Variants in GABRA4 observed in about 807,000 individuals in gnomAD.
The protein encoded by GABRA4 is gamma-aminobutyric acid receptor subunit alpha-4.
A neutral mutation model predicts 49.7 loss-of-function variants in GABRA4; 12 were observed. The ratio of observed to expected loss-of-function variants is 0.24; its 90% CI spans 0.15 to 0.39. GABRA4 has a LOEUF of 0.39. Ranked by LOEUF, GABRA4 falls within the 10% of genes least tolerant of loss-of-function variation. GABRA4 has a pLI of 1.00. For synonymous variants in GABRA4, 288 were observed against 240.2 expected (o/e 1.20, Z -1.84); for missense variants, 506 against 686.0 (o/e 0.74, Z 2.93).
chr4:46,978,682 C>T (rs1455468797), intron 3 of GABRA4, among the ~76,000 whole-genome samples: 3 of 21,610 alleles, frequency 1.4e-4, no homozygotes, highest in Non-Finnish European at 2.5e-4. Flanking sequence ...AGCAAAACTT[C>T]ATCTCAAAAA....
At chr4:46,993,239 A>T in intron 1 of GABRA4, 100 bp downstream of exon 1, 1 of 1,004,376 alleles carries the variant, frequency 1.0e-6, no homozygotes, top group Non-Finnish European at 1.6e-6. Context: ...AGATAAGAAG[A>T]CCTAGTCCAC....
At chr4:46,954,168 T>C (rs1347575899) in intron 8 of GABRA4, among the ~76,000 whole-genome samples, 1 of 146,874 alleles carries the variant, frequency 6.8e-6, no homozygotes, top group East Asian at 2.0e-4. Context: ...GAGTATAAAA[T>C]AACCTGAATA....
At chr4:46,952,042 A>C (rs1382639034) in intron 8 of GABRA4, among the ~76,000 whole-genome samples, 1 of 152,014 alleles carries the variant, frequency 6.6e-6, no homozygotes, top group Admixed American at 6.6e-5. Context: ...TAGCCAACCC[A>C]CCCTCAAAAG....
intron 8 of GABRA4, among the ~76,000 whole-genome samples, chr4:46,962,264 A>G (rs573245771): frequency 9.2e-6 from 1 of 108,674 alleles, no homozygotes; most frequent in Non-Finnish European, 2.0e-5. Context: ...GTAAAGTTGC[A>G]GGATACAAAA....
intron 7 of GABRA4, among the ~76,000 whole-genome samples, chr4:46,969,236 T>C (rs1283635310): frequency 1.3e-5 from 2 of 151,560 alleles, no homozygotes; most frequent in Non-Finnish European, 1.5e-5. Flanking sequence ...TAATTGCTGT[T>C]CTACACACTC....
chr4:46,958,567 C>G (rs1458224930), intron 8 of GABRA4, among the ~76,000 whole-genome samples: 1 of 151,864 alleles, frequency 6.6e-6, no homozygotes, highest in Admixed American at 6.6e-5. Flanking sequence ...GAAAGAACCA[C>G]AAGAATGAGA....
Position 46,921,050 on chromosome 4 carries a change from T to C in GABRA4, c.*7175A>G, listed in dbSNP as rs1721006822. On this transcript the variant is annotated 3_prime_UTR_variant, in exon 9 of 9. Transcript: ENST00000264318. Reference sequence around the variant, plus strand: ...CCTTTGCATAGTTCCATTTTTCCATTTTGAAGTGGAGATGTTTGTCTCTAG... The same window carrying C: ...CCTTTGCATAGTTCCATTTTTCCATCTTGAAGTGGAGATGTTTGTCTCTAG... The C allele has an allele frequency of 6.6e-6, 1 of 151,832 alleles. No individual in the cohort carries two copies. The highest frequency in any genetic ancestry group is 2.4e-5 in the African/African-American group (1 of 41,418). 9.4% of individuals were successfully genotyped at this position (151,832 alleles called of 1,614,324 possible).
chr4:46,973,876 G>A (rs980971465), intron 6 of GABRA4, among the ~76,000 whole-genome samples: 2 of 151,616 alleles, frequency 1.3e-5, no homozygotes, highest in African/African-American at 4.8e-5. Context: ...TTTTTGGAAA[G>A]CCCCACAAAA....
intron 3 of GABRA4, 119 bp from the exon 4 acceptor site, chr4:46,977,749 A>G (rs1347864133): frequency 4.7e-6 from 3 of 643,298 alleles, no homozygotes; most frequent in South Asian, 2.1e-5. Flanking sequence ...TCCAAATAAA[A>G]TTAATAGGAG....
chr4:46,993,124 C>T (rs989967986), intron 1 of GABRA4, among the ~76,000 whole-genome samples, 178 bp from the exon 2 acceptor site: 1 of 152,184 alleles, frequency 6.6e-6, no homozygotes, highest in Non-Finnish European at 1.5e-5. Context: ...CGCCCCGCCG[C>T]AAGACCCCCA....
At chr4:46,961,373 T>G (rs942491084) in intron 8 of GABRA4, among the ~76,000 whole-genome samples, 5 of 151,836 alleles carry the variant, frequency 3.3e-5, no homozygotes, top group African/African-American at 1.2e-4. Flanking sequence ...CCTGTCCCCT[T>G]TAGTGCTTTA....
At chr4:46,958,113 A>G (rs956161028) in intron 8 of GABRA4, among the ~76,000 whole-genome samples, 1 of 151,952 alleles carries the variant, frequency 6.6e-6, no homozygotes, top group African/African-American at 2.4e-5. Flanking sequence ...ATGCCATAGA[A>G]TTGTGTTTAA....
In GABRA4 at chr4:46,965,081, G is replaced by A. The variant is rs369163218; in HGVS notation, c.1023C>T (p.Asn341=). Residue 341 remains asparagine (N), a synonymous_variant, in exon 8 of 9, where the codon AAC becomes AAT. Coordinates refer to ENST00000264318, the MANE Select transcript of GABRA4 (RefSeq NM_000809.4). ...FSALIEFAAV[N]YFTNIQMEKA... Reference sequence around the variant, plus strand: ...TTTCCATTTGAATATTGGTGAAATAGTTGACAGCAGCAAACTCGATAAGGG... The same window carrying A: ...TTTCCATTTGAATATTGGTGAAATAATTGACAGCAGCAAACTCGATAAGGG... 1.1e-4 allele frequency: 183 copies of A among 1,611,988 alleles called. No individual in the cohort carries two copies. Among genetic ancestry groups the A allele is most frequent in the Non-Finnish European group, 1.3e-4 (153 of 1,178,862 alleles).
chr4:46,969,869 A>G (rs546137857), intron 7 of GABRA4, among the ~76,000 whole-genome samples: 1 of 151,434 alleles, frequency 6.6e-6, no homozygotes, highest in Non-Finnish European at 1.5e-5. Flanking sequence ...TGAGTTGTGC[A>G]GTTATTCTTT....
chr4:46,986,764 G>A (rs1723555800), intron 2 of GABRA4, among the ~76,000 whole-genome samples: 1 of 151,946 alleles, frequency 6.6e-6, no homozygotes, highest in Non-Finnish European at 1.5e-5. Context: ...CTATGCCCCT[G>A]GTCTACTTCT....
At chr4:46,970,963 G>T in intron 7 of GABRA4, 120 bp downstream of exon 7, 1 of 896,406 alleles carries the variant, frequency 1.1e-6, no homozygotes, top group Non-Finnish European at 1.7e-6. Flanking sequence ...TGAAAGCCAT[G>T]TGATTCCTTA....
intron 8 of GABRA4, among the ~76,000 whole-genome samples, chr4:46,934,954 G>T (rs1031508666): frequency 6.6e-6 from 1 of 152,156 alleles, no homozygotes; most frequent in Non-Finnish European, 1.5e-5. Flanking sequence ...ACCCTGGAGA[G>T]AAAAGAGTGC....
At chr4:46,950,794 A>T (rs1722148439) in intron 8 of GABRA4, among the ~76,000 whole-genome samples, 1 of 151,424 alleles carries the variant, frequency 6.6e-6, no homozygotes. Context: ...GGGAAGCAAG[A>T]AGCTTCAAGC....
chr4:46,951,651 C>A (rs1447009932), intron 8 of GABRA4, among the ~76,000 whole-genome samples: 8 of 151,770 alleles, frequency 5.3e-5, no homozygotes, highest in Non-Finnish European at 8.8e-5. Flanking sequence ...ATGTGCTAAA[C>A]GGTGGGGCTT....
Sources: gnomAD v4.1 joint callset for allele counts (sites outside exome capture counted in the v4.1 genomes callset) on GRCh38, gnomAD v4.1.1 for gene constraint, MANE v1.5 for transcripts, NCBI Gene and HGNC (gene_info 2026-07-23, HGNC 2026-07-21) for gene names.